RYR2: variants seen among roughly 807,000 people sequenced by gnomAD.
RYR2 encodes cardiac muscle ryanodine receptor-calcium release channel.
A neutral mutation model predicts 601.1 loss-of-function variants in RYR2; 227 were observed. The observed-to-expected ratio is 0.38, with a 90% confidence interval of 0.34 to 0.42. The LOEUF is 0.42. Ranked by LOEUF, RYR2 falls within the 10% of genes least tolerant of loss-of-function variation. RYR2 has a pLI of 1.00. For missense variants in RYR2, 4,646 were observed against 6,156.5 expected (o/e 0.75, Z 8.21); for synonymous variants, 2,223 against 2,175.1 (o/e 1.02, Z -0.61).
chr1:237,314,063 C>CTTTTTTTT (rs397983391), intron 2 of RYR2, among the ~76,000 whole-genome samples: 2 of 82,336 alleles, frequency 2.4e-5, no homozygotes, highest in African/African-American at 5.0e-5. Context: ...ACATGAATTT[C>CTTTTTTTT]TTTTTTTTTT....
intron 1 of RYR2, among the ~76,000 whole-genome samples, chr1:237,269,467 C>T (rs917090590): frequency 6.6e-6 from 1 of 151,802 alleles, no homozygotes; most frequent in Non-Finnish European, 1.5e-5. Flanking sequence ...CTAGAATATA[C>T]TTGTGTGTCC....
At chr1:237,720,065 GT>G (rs1689595250) in intron 73 of RYR2, among the ~76,000 whole-genome samples, 6 of 152,208 alleles carry the variant, frequency 3.9e-5, no homozygotes, top group Non-Finnish European at 8.8e-5. Context: ...GTTAGAAGTA[GT>G]TTTGGCAATC....
chr1:237,726,213 C>A, intron 74 of RYR2, 60 bp from the exon 75 acceptor site: 2 of 1,128,180 alleles, frequency 1.8e-6, no homozygotes, highest in Non-Finnish European at 1.3e-6. Context: ...CTCTTTACTG[C>A]AAAGGATAAT....
chr1:237,196,375 C>T (rs889822808), intron 1 of RYR2, among the ~76,000 whole-genome samples: 3 of 152,108 alleles, frequency 2.0e-5, no homozygotes, highest in Non-Finnish European at 2.9e-5. Flanking sequence ...TTATCTTATT[C>T]ACTTCTCCAC....
intron 24 of RYR2, among the ~76,000 whole-genome samples, chr1:237,529,038 G>A (rs1667855525): frequency 6.6e-6 from 1 of 152,034 alleles, no homozygotes; most frequent in Admixed American, 6.6e-5. Context: ...TTGCCCTGAA[G>A]ATACTATCAT....
chr1:237,133,761 A>G (rs906603067), intron 1 of RYR2, among the ~76,000 whole-genome samples: 5 of 152,032 alleles, frequency 3.3e-5, no homozygotes, highest in Admixed American at 2.0e-4. Flanking sequence ...CCCCGTCTCT[A>G]CTAAAAATAC....
At chr1:237,789,297 C>T (rs1470397900) in intron 92 of RYR2, among the ~76,000 whole-genome samples, 1 of 152,048 alleles carries the variant, frequency 6.6e-6, no homozygotes, top group Admixed American at 6.6e-5. Flanking sequence ...GTGGACTGTC[C>T]TCAGTAATTA....
rs905416503 is a variant in RYR2, at chr1:237,344,572, G to A, written c.274-11393G>A. On this transcript the variant is annotated intron_variant, in intron 3 of 104. Coordinates refer to ENST00000366574, the MANE Select transcript of RYR2 (RefSeq NM_001035.3). The stretch of plus-strand genomic sequence containing the variant: ...CTTCTCTGCAAATGTCCAAGGAGTT[G>A]TCTTCCTTAAACACTTTCATGAAGC... Among the ~76,000 whole-genome samples, 68 of 152,230 alleles carry A rather than the reference G, an allele frequency of 4.5e-4. 1 individual carries two copies. Among genetic ancestry groups the A allele is most frequent in the South Asian group, 1.9e-3 (9 of 4,824 alleles).
chr1:237,503,139 TA>T, intron 21 of RYR2, 149 bp from the exon 22 acceptor site: 1 of 651,572 alleles, frequency 1.5e-6, no homozygotes, highest in African/African-American at 1.8e-5. Flanking sequence ...CCTTGAATTC[TA>T]AGGTGATCAC....
At chr1:237,532,958 T>G (rs1668278633) in intron 25 of RYR2, among the ~76,000 whole-genome samples, 1 of 152,198 alleles carries the variant, frequency 6.6e-6, no homozygotes, top group African/African-American at 2.4e-5. Flanking sequence ...TTCCAATTTC[T>G]AACTTTAAGA....
At chr1:237,172,124 T>G (rs1008956) in intron 1 of RYR2, among the ~76,000 whole-genome samples, 71,146 of 152,108 alleles carry the variant, frequency 0.47, 16,794 homozygotes, top group East Asian at 0.58. Flanking sequence ...GGGATGTAAT[T>G]AAATCATGGT....
At position 237,134,089 on chromosome 1, in the gene RYR2, T is replaced by A. The variant is rs143787924; in HGVS notation, c.48+91520T>A. Reference sequence around the variant, plus strand: ...TGACTTCTGAATGATTCACCGCTGATCTGACTGATCCAGCACTTGTGATAC... The same window carrying A: ...TGACTTCTGAATGATTCACCGCTGAACTGACTGATCCAGCACTTGTGATAC... On this transcript the variant is annotated intron_variant, in intron 1 of 104. Transcript: ENST00000366574. 5.6e-3 allele frequency among the ~76,000 whole-genome samples: 856 copies of A among 152,284 alleles called. 9 individuals carry two copies. Among genetic ancestry groups the A allele is most frequent in the African/African-American group, 0.02 (811 of 41,556 alleles).
At chr1:237,424,933 T>G (rs1166470187) in intron 12 of RYR2, among the ~76,000 whole-genome samples, 1 of 152,180 alleles carries the variant, frequency 6.6e-6, no homozygotes, top group African/African-American at 2.4e-5. Context: ...ATTGCTCCAG[T>G]GAGTGCAGGA....
At chr1:237,422,994 C>A in intron 11 of RYR2, 98 bp from the exon 12 acceptor site, 1 of 1,349,786 alleles carries the variant, frequency 7.4e-7, no homozygotes, top group Non-Finnish European at 1.0e-6. Context: ...AACATTAAGA[C>A]AATATATATG....
At chr1:237,302,384 C>A (rs1194050210) in intron 2 of RYR2, among the ~76,000 whole-genome samples, 2 of 151,962 alleles carry the variant, frequency 1.3e-5, no homozygotes, top group Non-Finnish European at 2.9e-5. Flanking sequence ...AGGGATATAC[C>A]CTTTGAACTT....
chr1:237,418,397 G>A (rs1233527082), intron 11 of RYR2, among the ~76,000 whole-genome samples: 2 of 152,168 alleles, frequency 1.3e-5, no homozygotes, highest in South Asian at 2.1e-4. Flanking sequence ...GTCTAATGGT[G>A]ATGAGAATAG....
chr1:237,125,185 A>ATATCTTAGT (rs1304226124), intron 1 of RYR2, among the ~76,000 whole-genome samples: 1 of 152,164 alleles, frequency 6.6e-6, no homozygotes, highest in Non-Finnish European at 1.5e-5. Context: ...AAACTGGTGG[A>ATATCTTAGT]TATCTTAGTT....
Position 237,773,624 on chromosome 1 carries a change from TA to T in RYR2, c.11753del (p.Asn3918ThrfsTer39), listed in dbSNP as rs1234929285. 6.2e-7 allele frequency: 1 copy of T among 1,611,946 alleles called. No individual in the cohort carries two copies. The highest frequency in any genetic ancestry group is 8.5e-7 in the Non-Finnish European group (1 of 1,178,488). On this transcript the variant is annotated frameshift_variant, in exon 87 of 105. Coordinates refer to ENST00000366574, the MANE Select transcript of RYR2 (RefSeq NM_001035.3). LOFTEE classifies it high-confidence loss of function. Reference sequence around the variant, plus strand: ...CTATCCAAGTGGCAAAACAAGTCTTTAACACTCTTACAGAGTATATTCAGGT... The same window carrying T: ...CTATCCAAGTGGCAAAACAAGTCTTTACACTCTTACAGAGTATATTCAGGT... ...KAIQVAKQVF[N>X]TLTEYIQGPC...
intron 1 of RYR2, among the ~76,000 whole-genome samples, chr1:237,195,488 G>A (rs1442954060): frequency 6.6e-6 from 1 of 152,108 alleles, no homozygotes; most frequent in Non-Finnish European, 1.5e-5. Context: ...CCTGACCTCA[G>A]GTGATCCACC....
Sources: allele counts gnomAD v4.1 joint callset (sites outside exome capture counted in the v4.1 genomes callset), GRCh38; gene constraint gnomAD v4.1.1; transcripts MANE v1.5; gene names NCBI Gene and HGNC (gene_info 2026-07-23, HGNC 2026-07-21).